Variants in NR2F1-AS1 observed in about 807,000 individuals in gnomAD.
NR2F1-AS1 encodes the protein NR2F1 regulatory antisense RNA 1.
chr5:93,556,383 TATTCC>T (rs1752356331), intron 2 of NR2F1-AS1, among the ~76,000 whole-genome samples: 1 of 152,200 alleles, frequency 6.6e-6, no homozygotes, highest in African/African-American at 2.4e-5. Flanking sequence ...CACATATCAT[TATTCC>T]AACGTTTTGA....
chr5:93,457,099 C>CAGA (rs1171200283), intron 4 of NR2F1-AS1, among the ~76,000 whole-genome samples: 5 of 152,192 alleles, frequency 3.3e-5, no homozygotes, highest in Non-Finnish European at 5.9e-5. Flanking sequence ...ATGCCTTCCT[C>CAGA]TTATCTCAAC....
In NR2F1-AS1 at chr5:93,517,182, G is replaced by A. The variant is rs558500711; in HGVS notation, n.638+36579C>T. Among the ~76,000 whole-genome samples, 390 of 151,948 alleles carry A rather than the reference G, an allele frequency of 2.6e-3. 1 individual carries two copies. The highest frequency in any genetic ancestry group is 8.4e-3 in the African/African-American group (349 of 41,512). On this transcript the variant is annotated intron_variant and non_coding_transcript_variant, in intron 4 of 5. Transcript: ENST00000660523. ...TTGTAGTTATCCTCAGGTTCAAAAT[G>A]GAATAAGTAATTGTTTGATACTTTC...
intron 4 of NR2F1-AS1, among the ~76,000 whole-genome samples, chr5:93,485,096 G>A (rs1163675601): frequency 6.6e-6 from 1 of 152,060 alleles, no homozygotes; most frequent in Non-Finnish European, 1.5e-5. Context: ...CTTGAACCCA[G>A]CTCTGGACCA....
At chr5:93,559,330 C>A (rs1752433634) in intron 2 of NR2F1-AS1, among the ~76,000 whole-genome samples, 1 of 152,180 alleles carries the variant, frequency 6.6e-6, no homozygotes, top group South Asian at 2.1e-4. Flanking sequence ...TTCACAGAAT[C>A]GAAGAGAGTT....
intron 4 of NR2F1-AS1, among the ~76,000 whole-genome samples, chr5:93,428,315 A>C (rs932422787): frequency 6.6e-6 from 1 of 152,220 alleles, no homozygotes; most frequent in Non-Finnish European, 1.5e-5. Flanking sequence ...TTTGCACTTT[A>C]TTTCATTAGA....
chr5:93,526,770 G>C (rs747049938), intron 4 of NR2F1-AS1, among the ~76,000 whole-genome samples: 6 of 152,086 alleles, frequency 3.9e-5, no homozygotes, highest in Non-Finnish European at 8.8e-5. Flanking sequence ...AACAGATGCT[G>C]AAAAGGCCTT....
chr5:93,576,404 A>G (rs1177364901), intron 1 of NR2F1-AS1, among the ~76,000 whole-genome samples: 2 of 150,960 alleles, frequency 1.3e-5, no homozygotes, highest in African/African-American at 4.9e-5. Flanking sequence ...TCTATTGCTT[A>G]TATCAGTGGT....
chr5:93,548,556 G>C (rs1752143649), intron 4 of NR2F1-AS1, among the ~76,000 whole-genome samples: 1 of 152,104 alleles, frequency 6.6e-6, no homozygotes, highest in Admixed American at 6.6e-5. Flanking sequence ...AAGACTTAAA[G>C]TTTTTTTCTA....
At chr5:93,536,053 A>G (rs532808758) in intron 4 of NR2F1-AS1, among the ~76,000 whole-genome samples, 1 of 152,056 alleles carries the variant, frequency 6.6e-6, no homozygotes, top group Non-Finnish European at 1.5e-5. Flanking sequence ...AACCCTAAAG[A>G]CTCCACCAAA....
chr5:93,428,344 G>C (rs1749238773), intron 4 of NR2F1-AS1, among the ~76,000 whole-genome samples: 1 of 152,100 alleles, frequency 6.6e-6, no homozygotes, highest in Non-Finnish European at 1.5e-5. Flanking sequence ...TTTGATAAAA[G>C]CAACAAGCAC....
intron 4 of NR2F1-AS1, among the ~76,000 whole-genome samples, chr5:93,421,236 G>T (rs1749081698): frequency 1.3e-5 from 2 of 152,076 alleles, no homozygotes; most frequent in Non-Finnish European, 2.9e-5. Context: ...ACTTTTAACT[G>T]ATGGAGACCG....
At chr5:93,509,391 G>A (rs1280276820) in intron 4 of NR2F1-AS1, among the ~76,000 whole-genome samples, 1 of 152,068 alleles carries the variant, frequency 6.6e-6, no homozygotes, top group Non-Finnish European at 1.5e-5. Flanking sequence ...AATGTGGCTA[G>A]TACTCCAAAG....
chr5:93,445,512 C>T (rs1008433204), intron 4 of NR2F1-AS1, among the ~76,000 whole-genome samples: 1 of 152,048 alleles, frequency 6.6e-6, no homozygotes, highest in Non-Finnish European at 1.5e-5. Context: ...AGTTGAATCC[C>T]TGAATAGACC....
At chr5:93,565,063 GA>G (rs1340199645) in intron 1 of NR2F1-AS1, among the ~76,000 whole-genome samples, 1 of 151,692 alleles carries the variant, frequency 6.6e-6, no homozygotes, top group African/African-American at 2.4e-5. Flanking sequence ...AGAATAATCA[GA>G]AAAAAAATGA....
intron 4 of NR2F1-AS1, among the ~76,000 whole-genome samples, chr5:93,549,109 T>C (rs1752163340): frequency 6.6e-6 from 1 of 152,184 alleles, no homozygotes; most frequent in Non-Finnish European, 1.5e-5. Flanking sequence ...CTACTAAGCA[T>C]AAAATTAATA....
intron 4 of NR2F1-AS1, among the ~76,000 whole-genome samples, chr5:93,429,649 T>A (rs1749269139): frequency 6.6e-6 from 1 of 152,178 alleles, no homozygotes; most frequent in Non-Finnish European, 1.5e-5. Context: ...TATAAACATA[T>A]CCTTATCAGT....
intron 1 of NR2F1-AS1, chr5:93,570,613 G>C (rs1186413359): frequency 6.6e-6 from 1 of 152,190 alleles, no homozygotes; most frequent in Non-Finnish European, 1.5e-5. Context: ...ACCCCCGGTC[G>C]GGCCTGGCTT....
Position 93,451,319 on chromosome 5 carries a change from T to TG in NR2F1-AS1, n.639-55778dup, listed in dbSNP as rs1188387760. 3.9e-5 allele frequency among the ~76,000 whole-genome samples: 5 copies of TG among 128,980 alleles called. No individual in the cohort carries two copies. The South Asian group carries it at 9.7e-4, about 25-fold the overall frequency. 84.6% of individuals were successfully genotyped at this position (128,980 alleles called of 152,430 possible). A position where few individuals can be genotyped will look rare whatever the true frequency, so the allele number is the denominator to read the frequency against. ...TCACCAGGTTTTAGAGTAGGGTTTT[T>TG]GAAAAAAAAAAAAAAAAAAAGCTGG... On this transcript the variant is annotated intron_variant and non_coding_transcript_variant, in intron 4 of 5. Transcript: ENST00000660523.
At chr5:93,442,262 G>C (rs149753478) in intron 4 of NR2F1-AS1, among the ~76,000 whole-genome samples, 3 of 152,310 alleles carry the variant, frequency 2.0e-5, no homozygotes, top group South Asian at 4.1e-4. Context: ...CCCAGGAAGC[G>C]CAAGGGGTTG....
Sources: allele counts gnomAD v4.1 joint callset (sites outside exome capture counted in the v4.1 genomes callset), GRCh38; gene constraint gnomAD v4.1.1; transcripts MANE v1.5; gene names NCBI Gene and HGNC (gene_info 2026-07-23, HGNC 2026-07-21).